POU3F3: variants seen among roughly 807,000 people sequenced by gnomAD.
POU3F3 encodes POU domain, class 3, transcription factor 3.
POU3F3 carries 1 observed loss-of-function variant against 8.6 expected under a neutral mutation model. The ratio of observed to expected loss-of-function variants is 0.12; its 90% CI spans 0.04 to 0.55. POU3F3 has a LOEUF of 0.55. POU3F3 is among the 20% of genes least tolerant of loss of function. POU3F3 has a pLI of 0.91. For missense variants in POU3F3, 577 were observed against 690.7 expected (o/e 0.84, Z 1.84); for synonymous variants, 418 against 327.4 (o/e 1.28, Z -2.99).
the POU3F3 span, among the ~76,000 whole-genome samples, chr2:104,871,751 GGT>G: frequency 6.6e-6 from 1 of 152,092 alleles, no homozygotes; most frequent in Non-Finnish European, 1.5e-5. Flanking sequence ...GTACCTAGGA[GGT>G]GTGTGTGTAT....
At chr2:104,895,129 T>A in the POU3F3 span, among the ~76,000 whole-genome samples, 191 of 152,004 alleles carry the variant, frequency 1.3e-3, no homozygotes, top group African/African-American at 4.1e-3. Flanking sequence ...TCAAGCGTCA[T>A]CCACACTTCA....
chr2:104,878,685 A>C, the POU3F3 span, among the ~76,000 whole-genome samples: 1 of 152,144 alleles, frequency 6.6e-6, no homozygotes, highest in Non-Finnish European at 1.5e-5. Context: ...GGGATTATTT[A>C]ATCTGCCAGT....
At chr2:104,887,738 G>C in the POU3F3 span, among the ~76,000 whole-genome samples, 9 of 152,184 alleles carry the variant, frequency 5.9e-5, no homozygotes, top group African/African-American at 2.2e-4. Flanking sequence ...GGTGCATTCC[G>C]AGGAGAGTAG....
the POU3F3 span, chr2:104,868,385 A>G: frequency 8.8e-6 from 4 of 456,574 alleles, no homozygotes; most frequent in Non-Finnish European, 1.8e-5. Context: ...GGTGGTGAGA[A>G]CACAACTCTG....
At chr2:104,925,942 T>C in the POU3F3 span, 1 of 152,240 alleles carries the variant, frequency 6.6e-6, no homozygotes, top group African/African-American at 2.4e-5. Flanking sequence ...CAGCAAATGT[T>C]TATTTCTTAC....
the POU3F3 span, among the ~76,000 whole-genome samples, chr2:104,905,329 T>C: frequency 1.3e-5 from 2 of 152,226 alleles, no homozygotes; most frequent in African/African-American, 4.8e-5. Flanking sequence ...TTTTACAAAC[T>C]GCATACTTCC....
In POU3F3 at chr2:104,856,716, G is replaced by A. The variant is rs140129722; in HGVS notation, c.1206G>A (p.Ala402=). 3 of 1,614,008 alleles carry A rather than the reference G, an allele frequency of 1.9e-6. No individual in the cohort carries two copies. Among genetic ancestry groups the A allele is most frequent in the Non-Finnish European group, 2.5e-6 (3 of 1,180,030 alleles). ...GSPTSIDKIA[A]QGRKRKKRTS... ...CCACAAGCATCGACAAGATCGCGGC[G>A]CAGGGCCGCAAGCGCAAGAAGCGGA... is the stretch of plus-strand genomic sequence containing the variant. Residue 402 remains alanine (A), a synonymous_variant, in exon 1 of 1, where the codon GCG becomes GCA. Transcript: ENST00000361360.
At chr2:104,899,815 G>A in the POU3F3 span, among the ~76,000 whole-genome samples, 1 of 152,182 alleles carries the variant, frequency 6.6e-6, no homozygotes, top group East Asian at 1.9e-4. Context: ...ACAGGGAGGG[G>A]ACCGTGATGC....
chr2:104,921,747 C>T, the POU3F3 span, among the ~76,000 whole-genome samples: 2 of 152,190 alleles, frequency 1.3e-5, no homozygotes, highest in Non-Finnish European at 1.5e-5. Context: ...CCTGTAATCC[C>T]AGCACTCTGG....
chr2:104,866,008 G>A, the POU3F3 span: 3 of 152,140 alleles, frequency 2.0e-5, no homozygotes, highest in Non-Finnish European at 4.4e-5. Flanking sequence ...CCATTTCATG[G>A]GGAGAAATCT....
chr2:104,888,068 T>C, the POU3F3 span, among the ~76,000 whole-genome samples: 1 of 152,234 alleles, frequency 6.6e-6, no homozygotes, highest in Admixed American at 6.5e-5. Flanking sequence ...TCATTCATTA[T>C]CTTTCAAGAG....
At chr2:104,872,496 C>G in the POU3F3 span, 2 of 384,478 alleles carry the variant, frequency 5.2e-6, no homozygotes, top group Non-Finnish European at 1.0e-5. This position sits in a 1 kb window ranked among gnomAD's most constrained non-coding sequence, Gnocchi z 4.6. Context: ...GCCTCCCTCC[C>G]GTTCCCAGCC....
At chr2:104,927,399 G>C in the POU3F3 span, among the ~76,000 whole-genome samples, 1 of 152,048 alleles carries the variant, frequency 6.6e-6, no homozygotes, top group Non-Finnish European at 1.5e-5. Context: ...GGGGTAGAAA[G>C]GGGGTAGAGA....
chr2:104,868,270 G>A, the POU3F3 span: 1 of 456,656 alleles, frequency 2.2e-6, no homozygotes, highest in Non-Finnish European at 4.4e-6. Flanking sequence ...CAGAGCGGGC[G>A]GCAGTGAGGA....
At chr2:104,878,999 C>T in the POU3F3 span, among the ~76,000 whole-genome samples, 1 of 151,706 alleles carries the variant, frequency 6.6e-6, no homozygotes, top group Non-Finnish European at 1.5e-5. Context: ...CAACACACAA[C>T]ATACACAACA....
At chr2:104,878,581 A>G in the POU3F3 span, among the ~76,000 whole-genome samples, 1 of 152,214 alleles carries the variant, frequency 6.6e-6, no homozygotes, top group African/African-American at 2.4e-5. Context: ...TGACTGTTAT[A>G]TTTATTGTAT....
At chr2:104,927,160 C>T in the POU3F3 span, among the ~76,000 whole-genome samples, 4 of 152,144 alleles carry the variant, frequency 2.6e-5, no homozygotes, top group Admixed American at 2.6e-4. Flanking sequence ...CAAGGGATCT[C>T]TCTGGCATCT....
rs755059340 is a variant in POU3F3, at chr2:104,856,596, C to T, written c.1086C>T (p.Arg362=). ...GNVFSQTTIC[R]FEALQLSFKN... is the part of the protein sequence containing the mutation. ...TGTTCTCGCAGACCACCATCTGCCG[C>T]TTCGAGGCCCTGCAGCTGAGCTTCA... Residue 362 remains arginine, a synonymous_variant, in exon 1 of 1, where the codon CGC becomes CGT. Coordinates refer to ENST00000361360, the MANE Select transcript of POU3F3 (RefSeq NM_006236.3). 6.2e-7 allele frequency: 1 copy of T among 1,614,176 alleles called. No individual in the cohort carries two copies. The highest frequency in any genetic ancestry group is 8.5e-7 in the Non-Finnish European group (1 of 1,180,036).
At chr2:104,872,779 G>A in the POU3F3 span, among the ~76,000 whole-genome samples, 1 of 152,198 alleles carries the variant, frequency 6.6e-6, no homozygotes, top group African/African-American at 2.4e-5. This position sits in a 1 kb window ranked among gnomAD's most constrained non-coding sequence, Gnocchi z 4.6. Context: ...TCTCAAGGGC[G>A]AGGAGACGCA....
Sources: allele counts gnomAD v4.1 joint callset (sites outside exome capture counted in the v4.1 genomes callset), GRCh38; gene constraint gnomAD v4.1.1; non-coding constraint Gnocchi (gnomAD v3.1); transcripts MANE v1.5; gene names NCBI Gene and HGNC (gene_info 2026-07-23, HGNC 2026-07-21).